Variants in HIPK3 observed in about 807,000 individuals in gnomAD.
HIPK3 encodes homeodomain interacting protein kinase 3, also known as homeodomain-interacting protein kinase 3.
HIPK3 carries 47 observed loss-of-function variants against 124.2 expected under a neutral mutation model. The ratio of observed to expected loss-of-function variants is 0.38; its 90% confidence interval spans 0.30 to 0.48. HIPK3 has a LOEUF of 0.48. HIPK3 is among the 20% of genes least tolerant of loss of function. The probability of loss-of-function intolerance (pLI) is 0.98; values close to 1 mark genes in which losing one functional copy is unlikely to be tolerated. For missense variants in HIPK3, 1,286 were observed against 1,454.3 expected, an observed-to-expected ratio of 0.88 and a Z score of 1.88; for synonymous variants, 482 against 515.2, an observed-to-expected ratio of 0.94 and a Z score of 0.87.
intron 1 of HIPK3, among the ~76,000 whole-genome samples, chr11:33,284,733 A>G (rs896434219): frequency 1.3e-5 from 2 of 152,174 alleles, no homozygotes; most frequent in Non-Finnish European, 2.9e-5. Context: ...TTATTTTTAC[A>G]CTTGATCATT....
upstream of HIPK3, among the ~76,000 whole-genome samples, chr11:33,257,131 T>G (rs1393066605): frequency 1.3e-5 from 2 of 152,084 alleles, no homozygotes; most frequent in Non-Finnish European, 2.9e-5. Context: ...GGATGCTTCT[T>G]TCGCGGGAGG....
intron 2 of HIPK3, among the ~76,000 whole-genome samples, chr11:33,314,214 A>T (rs897865015): frequency 6.6e-6 from 1 of 152,236 alleles, no homozygotes; most frequent in Non-Finnish European, 1.5e-5. Context: ...ATAGGTTTGT[A>T]TAAGCCCCAC....
At chr11:33,326,265 C>T (rs1029696050) in intron 2 of HIPK3, among the ~76,000 whole-genome samples, 1 of 152,048 alleles carries the variant, frequency 6.6e-6, no homozygotes, top group South Asian at 2.1e-4. Context: ...AAGTCTAATC[C>T]CCAGGGTTTC....
At chr11:33,283,150 G>A (rs1245019206) in intron 1 of HIPK3, among the ~76,000 whole-genome samples, 47 of 149,882 alleles carry the variant, frequency 3.1e-4, no homozygotes, top group Admixed American at 2.3e-3. Flanking sequence ...TCCCTCTGCC[G>A]CCCAGGAAGG....
At chr11:33,317,080 C>G (rs1403857758) in intron 2 of HIPK3, among the ~76,000 whole-genome samples, 1 of 151,594 alleles carries the variant, frequency 6.6e-6, no homozygotes, top group East Asian at 1.9e-4. Flanking sequence ...AAGGAATTCT[C>G]ATGCCTCAGC....
intron 8 of HIPK3, among the ~76,000 whole-genome samples, chr11:33,345,216 T>A (rs1406615715): frequency 6.6e-6 from 1 of 152,108 alleles, no homozygotes; most frequent in Non-Finnish European, 1.5e-5. Context: ...TCTGAGTGTT[T>A]TATATATTAA....
intron 16 of HIPK3, among the ~76,000 whole-genome samples, 168 bp from the exon 17 acceptor site, chr11:33,352,924 T>C (rs1478643481): frequency 6.6e-6 from 1 of 152,154 alleles, no homozygotes; most frequent in South Asian, 2.1e-4. Context: ...CTAATATATA[T>C]GGAATTGATA....
chr11:33,258,037 C>T, intron 1 of HIPK3, 148 bp downstream of exon 1: 2 of 574,100 alleles, frequency 3.5e-6, no homozygotes, highest in Non-Finnish European at 4.2e-6. Context: ...TCCCGTGCCC[C>T]ATCCGCATCC....
rs111396038 is a variant in HIPK3, at chr11:33,262,199, G to C, written c.-3+4310G>C. On this transcript the variant is annotated intron_variant, in intron 1 of 16. Transcript: ENST00000303296. ...GTACTTATGTGGCCTACTTAAGGAA[G>C]AATGTCACTTCTTTTGGTTGGCTTG... 2.4e-3 allele frequency among the ~76,000 whole-genome samples: 370 copies of C among 152,332 alleles called. 1 individual carries two copies. The highest frequency in any genetic ancestry group is 8.3e-3 in the African/African-American group (347 of 41,582).
At chr11:33,328,469 A>G (rs777991429) in intron 2 of HIPK3, 41 bp from the exon 3 acceptor site, 1 of 1,599,388 alleles carries the variant, frequency 6.3e-7, no homozygotes, top group Non-Finnish European at 8.5e-7. Context: ...GTAATTTTAG[A>G]GAAAAACCAC....
At chr11:33,310,342 G>A (rs1852298474) in intron 2 of HIPK3, among the ~76,000 whole-genome samples, 1 of 120,302 alleles carries the variant, frequency 8.3e-6, no homozygotes, top group African/African-American at 3.0e-5. Flanking sequence ...GTCTTGCTGT[G>A]TCACCCAGGC....
chr11:33,272,323 T>C (rs992454565), intron 1 of HIPK3, among the ~76,000 whole-genome samples: 1 of 151,242 alleles, frequency 6.6e-6, no homozygotes. Context: ...CGCTTGAACA[T>C]GGGTGGTGGA....
At chr11:33,276,245 A>G (rs1851266577) in intron 1 of HIPK3, among the ~76,000 whole-genome samples, 1 of 152,088 alleles carries the variant, frequency 6.6e-6, no homozygotes, top group South Asian at 2.1e-4. Flanking sequence ...AATTGCATAA[A>G]GTAAAGACTG....
chr11:33,315,819 A>G (rs1207564392), intron 2 of HIPK3, among the ~76,000 whole-genome samples: 1 of 152,198 alleles, frequency 6.6e-6, no homozygotes, highest in Non-Finnish European at 1.5e-5. Context: ...CCATCTCTTG[A>G]GTTTAAAATT....
At chr11:33,350,449 T>C (rs1853622687) in intron 14 of HIPK3, among the ~76,000 whole-genome samples, 1 of 151,632 alleles carries the variant, frequency 6.6e-6, no homozygotes, top group Non-Finnish European at 1.5e-5. Flanking sequence ...GGAGGATCAC[T>C]TGAGGCCAAG....
At chr11:33,257,304 C>CCGGG (rs1400455951), upstream of HIPK3, 3 of 983,480 alleles carry the variant, frequency 3.1e-6, no homozygotes, top group Admixed American at 1.9e-4. Context: ...CGCAGCGCTG[C>CCGGG]CGGGCGGGCG....
chr11:33,352,794 A>G (rs1853704109), intron 16 of HIPK3, among the ~76,000 whole-genome samples: 1 of 152,192 alleles, frequency 6.6e-6, no homozygotes, highest in African/African-American at 2.4e-5. Context: ...TACATATAAG[A>G]AGTGCTCCAC....
intron 2 of HIPK3, among the ~76,000 whole-genome samples, chr11:33,310,632 A>T (rs1344127310): frequency 6.6e-6 from 1 of 152,206 alleles, no homozygotes; most frequent in Non-Finnish European, 1.5e-5. Flanking sequence ...ATTAATTAAA[A>T]TTAAATAAAA....
intron 1 of HIPK3, among the ~76,000 whole-genome samples, chr11:33,283,311 C>T (rs562313550): frequency 2.0e-5 from 3 of 152,184 alleles, no homozygotes; most frequent in Non-Finnish European, 2.9e-5. Flanking sequence ...GGGGTTTCAC[C>T]GTGTTAGCCA....
Sources: allele counts gnomAD v4.1 joint callset (sites outside exome capture counted in the v4.1 genomes callset), GRCh38; gene constraint gnomAD v4.1.1; transcripts MANE v1.5; gene names NCBI Gene and HGNC (gene_info 2026-07-23, HGNC 2026-07-21).